The following FIGN variants were observed in gnomAD, a reference collection of about 807,000 sequenced individuals.
FIGN encodes fidgetin.
Under a neutral mutation model 51.3 loss-of-function variants are expected in FIGN, and 11 were observed. The ratio of observed to expected loss-of-function variants is 0.21; its 90% CI spans 0.13 to 0.35. The LOEUF is 0.35. Among genes scored for constraint, FIGN ranks in the 10% least tolerant of loss-of-function variants. The pLI, the probability that FIGN is intolerant of heterozygous loss-of-function variation, is 1.00. For synonymous variants in FIGN, 407 were observed against 363.2 expected (o/e 1.12, Z -1.37); for missense variants, 857 against 943.6 (o/e 0.91, Z 1.20).
intron 2 of FIGN, among the ~76,000 whole-genome samples, chr2:163,688,171 T>C (rs1464774985): frequency 1.3e-5 from 2 of 152,192 alleles, no homozygotes. Context: ...AATGTCTTTA[T>C]GGCAATGCCT....
intron 2 of FIGN, among the ~76,000 whole-genome samples, chr2:163,693,239 T>C (rs1684265412): frequency 6.6e-6 from 1 of 152,090 alleles, no homozygotes; most frequent in African/African-American, 2.4e-5. Flanking sequence ...TAGGTGTGTG[T>C]GTACCTGTGG....
intron 2 of FIGN, among the ~76,000 whole-genome samples, chr2:163,698,441 T>C (rs964432522): frequency 2.0e-5 from 3 of 151,966 alleles, no homozygotes; most frequent in South Asian, 2.1e-4. Context: ...ACTTTTAGAA[T>C]GCCAGCCCCA....
chr2:163,730,189 C>T (rs778836653), intron 2 of FIGN, among the ~76,000 whole-genome samples: 6 of 152,156 alleles, frequency 3.9e-5, no homozygotes, highest in Admixed American at 6.5e-5. Context: ...CTTTCATACT[C>T]CTTATTCCTG....
At chr2:163,656,311 T>C (rs1683558431) in intron 2 of FIGN, among the ~76,000 whole-genome samples, 1 of 152,178 alleles carries the variant, frequency 6.6e-6, no homozygotes, top group Admixed American at 6.5e-5. Flanking sequence ...CCAGGAGCTT[T>C]AAGGGAGGCA....
At chr2:163,626,594 T>C (rs1683057391) in intron 2 of FIGN, among the ~76,000 whole-genome samples, 1 of 152,188 alleles carries the variant, frequency 6.6e-6, no homozygotes, top group Admixed American at 6.6e-5. Context: ...AATTTAGTTT[T>C]AGTTATGAAT....
At chr2:163,672,446 C>CT (rs1384578419) in intron 2 of FIGN, among the ~76,000 whole-genome samples, 3 of 152,098 alleles carry the variant, frequency 2.0e-5, no homozygotes, top group African/African-American at 7.2e-5. Flanking sequence ...ATGAGAAAGG[C>CT]TTTCATGCCT....
intron 2 of FIGN, among the ~76,000 whole-genome samples, chr2:163,661,922 C>A (rs1282100168): frequency 6.6e-6 from 1 of 152,118 alleles, no homozygotes; most frequent in Non-Finnish European, 1.5e-5. Context: ...TTGAGTATGT[C>A]TTTATCAGCA....
At chr2:163,689,688 G>T (rs564349278) in intron 2 of FIGN, among the ~76,000 whole-genome samples, 1 of 152,174 alleles carries the variant, frequency 6.6e-6, no homozygotes, top group Non-Finnish European at 1.5e-5. Flanking sequence ...TTGATGGGTT[G>T]CTTCAAAAGT....
At chr2:163,696,711 A>G (rs577085502) in intron 2 of FIGN, among the ~76,000 whole-genome samples, 10 of 152,190 alleles carry the variant, frequency 6.6e-5, no homozygotes, top group Admixed American at 5.9e-4. Context: ...TCTGTTGCCC[A>G]GGCTGGAGTC....
Position 163,728,774 on chromosome 2 carries a change from C to T in FIGN, c.25+6129G>A, listed in dbSNP as rs531847766. Among the ~76,000 whole-genome samples, 542 of 152,198 alleles carry T rather than the reference C, an allele frequency of 3.6e-3. 5 individuals are homozygous for T. The highest frequency in any genetic ancestry group is 0.012 in the African/African-American group (508 of 41,528). On this transcript the variant is annotated intron_variant, in intron 2 of 2. Coordinates refer to ENST00000333129, the MANE Select transcript of FIGN (RefSeq NM_018086.4). ...TTTGTTCAGGCACACAGGCCCCCACCCCACCACACAATACAGGGCCCTGCA... is the reference window on the plus strand; with the variant it reads ...TTTGTTCAGGCACACAGGCCCCCACTCCACCACACAATACAGGGCCCTGCA...
At chr2:163,728,702 A>G (rs1234323148) in intron 2 of FIGN, among the ~76,000 whole-genome samples, 2 of 152,140 alleles carry the variant, frequency 1.3e-5, no homozygotes, top group Non-Finnish European at 2.9e-5. Flanking sequence ...GGCCCCAGAT[A>G]AAAGTCTGTA....
intron 2 of FIGN, among the ~76,000 whole-genome samples, chr2:163,710,930 G>A (rs1443387908): frequency 6.6e-6 from 1 of 152,120 alleles, no homozygotes; most frequent in Non-Finnish European, 1.5e-5. Flanking sequence ...TTGTCTGACT[G>A]CAAAGAACCA....
intron 2 of FIGN, among the ~76,000 whole-genome samples, chr2:163,627,012 C>T (rs531760695): frequency 1.0e-3 from 159 of 152,220 alleles, no homozygotes; most frequent in Non-Finnish European, 1.5e-3. Context: ...CAGAAACTGC[C>T]CACCCTTTCC....
chr2:163,626,799 C>A (rs1035076448), intron 2 of FIGN, among the ~76,000 whole-genome samples: 1 of 152,012 alleles, frequency 6.6e-6, no homozygotes, highest in East Asian at 1.9e-4. Context: ...AAACAGGTTG[C>A]GGTAAAGAAG....
chr2:163,624,560 G>A (rs1050084592), intron 2 of FIGN, among the ~76,000 whole-genome samples: 5 of 151,736 alleles, frequency 3.3e-5, no homozygotes, highest in African/African-American at 1.2e-4. Flanking sequence ...TAAATTGGAT[G>A]ATGACTTGGA....
intron 2 of FIGN, among the ~76,000 whole-genome samples, chr2:163,628,220 A>G (rs979194874): frequency 3.3e-5 from 5 of 149,514 alleles, no homozygotes; most frequent in African/African-American, 1.3e-4. Context: ...CAAAAAACCC[A>G]CTCAGTTCCA....
chr2:163,627,485 T>A (rs1366484586), intron 2 of FIGN, among the ~76,000 whole-genome samples: 1 of 152,016 alleles, frequency 6.6e-6, no homozygotes, highest in Non-Finnish European at 1.5e-5. Flanking sequence ...ATGGTAACGG[T>A]AATGGGGAGC....
chr2:163,687,147 A>C (rs1684164355), intron 2 of FIGN, among the ~76,000 whole-genome samples: 1 of 152,172 alleles, frequency 6.6e-6, no homozygotes, highest in Non-Finnish European at 1.5e-5. Flanking sequence ...GAAAAGAAAC[A>C]GAATGGTATT....
chr2:163,610,393 C>A lies in FIGN; in HGVS notation c.1439G>T (p.Gly480Val). 6.2e-7 allele frequency: 1 copy of A among 1,614,092 alleles called. No homozygotes were observed. The highest frequency in any genetic ancestry group is 8.5e-7 in the Non-Finnish European group (1 of 1,180,018). Reference sequence around the variant, plus strand: ...AATGTCATTCCAGTCCACTGGAGGTCCTTGGGTGATAATCTCATTGGTTAC... The same window carrying A: ...AATGTCATTCCAGTCCACTGGAGGTACTTGGGTGATAATCTCATTGGTTAC... ...DLVTNEIITQ[G>V]PPVDWNDIAG... The change falls in exon 3 of 3, where the codon GGA (glycine) becomes GTA (valine). Residue 480 changes from glycine (G) to valine (V), a missense_variant. Gly to Val is a moderately radical substitution (Grantham distance 109). Transcript: ENST00000333129.
Sources: allele counts gnomAD v4.1 joint callset (sites outside exome capture counted in the v4.1 genomes callset), GRCh38; gene constraint gnomAD v4.1.1; transcripts MANE v1.5; gene names NCBI Gene and HGNC (gene_info 2026-07-23, HGNC 2026-07-21).